The following ZNF536 variants were observed in gnomAD, a reference collection of about 807,000 sequenced individuals.
ZNF536 encodes zinc finger protein 536.
In ZNF536, 13 loss-of-function variants were observed where a neutral mutation model predicts 84.5. The observed-to-expected ratio is 0.15, with a 90% CI of 0.10 to 0.24. The LOEUF is 0.24. Ranked by LOEUF, ZNF536 falls within the 10% of genes least tolerant of loss-of-function variation. The pLI is 1.00. For missense variants in ZNF536, 1,536 were observed against 1,747.5 expected (o/e 0.88, Z 2.16); for synonymous variants, 811 against 742.5 (o/e 1.09, Z -1.50).
intron 1 of ZNF536, among the ~76,000 whole-genome samples, chr19:30,259,321 C>G (rs920528959): frequency 1.3e-5 from 2 of 152,180 alleles, no homozygotes; most frequent in African/African-American, 2.4e-5. Flanking sequence ...AGGGATACAT[C>G]AGGGAGCAGG....
At chr19:30,667,179 T>C (rs1312462629) in intron 1 of ZNF536, among the ~76,000 whole-genome samples, 1 of 152,222 alleles carries the variant, frequency 6.6e-6, no homozygotes, top group Non-Finnish European at 1.5e-5. Flanking sequence ...TGCTGTGTGC[T>C]GTAGACCTCC....
chr19:30,687,994 C>A (rs1444541393), intron 1 of ZNF536, among the ~76,000 whole-genome samples: 3 of 140,698 alleles, frequency 2.1e-5, no homozygotes, highest in South Asian at 2.4e-4. Context: ...TAAAAAAGAG[C>A]ATAACAATGT....
At chr19:30,355,837 T>G (rs1172194390) in intron 3 of ZNF536, among the ~76,000 whole-genome samples, 1 of 152,122 alleles carries the variant, frequency 6.6e-6, no homozygotes, top group Admixed American at 6.5e-5. Flanking sequence ...CTTATGAGAA[T>G]CTAATGCCTG....
chr19:30,707,444 G>A lies in ZNF536; in HGVS notation c.170-3313G>A, dbSNP rs561511277. ...ACCAAGCCCTTAAGGTGAAAAGGGT[G>A]GCAAGACAGCAAATGGGCAGTCACC... On this transcript the variant is annotated intron_variant, in intron 1 of 1. Transcript: ENST00000592773. Among the ~76,000 whole-genome samples the A allele has an allele frequency of 3.3e-5, 5 of 152,274 alleles. No individual in the cohort carries two copies. In the South Asian group the frequency reaches 8.3e-4, roughly 25 times the overall value.
At chr19:30,525,455 A>G (rs1599689861) in intron 2 of ZNF536, among the ~76,000 whole-genome samples, 1 of 152,294 alleles carries the variant, frequency 6.6e-6, no homozygotes, top group East Asian at 1.9e-4. Context: ...TTTATAAAGC[A>G]CCTGCTATGA....
intron 2 of ZNF536, among the ~76,000 whole-genome samples, chr19:30,347,639 C>A (rs1359561201): frequency 2.6e-5 from 4 of 152,182 alleles, no homozygotes; most frequent in Non-Finnish European, 4.4e-5. Flanking sequence ...GCCACTGCGG[C>A]CCCTGCTCCC....
upstream of ZNF536, chr19:30,228,468 C>G (rs946909843): frequency 6.6e-6 from 1 of 152,120 alleles, no homozygotes; most frequent in African/African-American, 2.4e-5. This position sits in a 1 kb window ranked among gnomAD's most constrained non-coding sequence, Gnocchi z 4.5. Flanking sequence ...CTGGCGTAGC[C>G]GTGACGCGCC....
At chr19:30,433,375 T>C (rs896130060) in intron 1 of ZNF536, among the ~76,000 whole-genome samples, 9 of 152,236 alleles carry the variant, frequency 5.9e-5, no homozygotes, top group African/African-American at 2.2e-4. Flanking sequence ...TGGTCTTGCT[T>C]ATAGATCTCT....
chr19:30,313,873 C>T (rs944924026), intron 2 of ZNF536, among the ~76,000 whole-genome samples: 7 of 152,326 alleles, frequency 4.6e-5, no homozygotes, highest in East Asian at 3.9e-4. Context: ...GCCTGGGCTC[C>T]GAGAATAGAT....
At chr19:30,324,762 T>G (rs1285063139) in intron 2 of ZNF536, among the ~76,000 whole-genome samples, 1 of 152,156 alleles carries the variant, frequency 6.6e-6, no homozygotes, top group African/African-American at 2.4e-5. Flanking sequence ...CATTTTTAAT[T>G]TACTTCACTA....
chr19:30,399,300 A>G (rs2049950873), intron 1 of ZNF536, among the ~76,000 whole-genome samples: 1 of 151,722 alleles, frequency 6.6e-6, no homozygotes. Flanking sequence ...AGTTCTTTGT[A>G]GATTCTGCCT....
intron 1 of ZNF536, among the ~76,000 whole-genome samples, chr19:30,703,115 T>G (rs1313843722): frequency 6.6e-6 from 1 of 151,732 alleles, no homozygotes; most frequent in Non-Finnish European, 1.5e-5. Flanking sequence ...GGAGGATGAG[T>G]TTGCAGGAGT....
At chr19:30,354,768 A>C (rs1005253718) in intron 3 of ZNF536, among the ~76,000 whole-genome samples, 1 of 152,200 alleles carries the variant, frequency 6.6e-6, no homozygotes, top group Non-Finnish European at 1.5e-5. Context: ...GGTATTAGAA[A>C]CAGGCAGAGA....
At chr19:30,549,681 T>C in intron 4 of ZNF536, among the ~76,000 whole-genome samples, 167 bp downstream of exon 4, 1 of 152,246 alleles carries the variant, frequency 6.6e-6, no homozygotes, top group East Asian at 1.9e-4. Context: ...AAGTCCATTT[T>C]GTTTAGAAGT....
intron 1 of ZNF536, among the ~76,000 whole-genome samples, chr19:30,424,911 G>T (rs888023549): frequency 6.6e-6 from 1 of 152,126 alleles, no homozygotes; most frequent in African/African-American, 2.4e-5. Context: ...GCCACCTTCT[G>T]CTTCCCACCC....
intron 2 of ZNF536, among the ~76,000 whole-genome samples, chr19:30,326,326 C>G (rs1600229957): frequency 6.6e-6 from 1 of 152,180 alleles, no homozygotes; most frequent in African/African-American, 2.4e-5. Context: ...AAGAGGGGAA[C>G]AGTGGGCTCA....
intron 1 of ZNF536, among the ~76,000 whole-genome samples, chr19:30,421,775 C>T (rs982103437): frequency 1.3e-5 from 2 of 152,184 alleles, no homozygotes; most frequent in African/African-American, 4.8e-5. Flanking sequence ...CCCTTCCAGC[C>T]CCCAGTGTGT....
At chr19:30,487,101 T>A (rs1448113836) in intron 2 of ZNF536, among the ~76,000 whole-genome samples, 1 of 152,250 alleles carries the variant, frequency 6.6e-6, no homozygotes, top group African/African-American at 2.4e-5. Flanking sequence ...TTGAAAGATC[T>A]GTAGAAGACA....
intron 2 of ZNF536, among the ~76,000 whole-genome samples, chr19:30,504,605 C>T (rs1247139157): frequency 3.6e-5 from 5 of 139,848 alleles, no homozygotes; most frequent in Admixed American, 2.2e-4. Flanking sequence ...TCCAACTCTT[C>T]CTCTCTCCCA....
Sources: gnomAD v4.1 joint callset for allele counts (sites outside exome capture counted in the v4.1 genomes callset) on GRCh38, gnomAD v4.1.1 for gene constraint, Gnocchi (gnomAD v3.1) non-coding constraint, MANE v1.5 for transcripts, NCBI Gene and HGNC (gene_info 2026-07-23, HGNC 2026-07-21) for gene names.